SCFD2: variants seen among roughly 807,000 people sequenced by gnomAD.
SCFD2 encodes sec1 family domain-containing protein 2.
In SCFD2, 54 loss-of-function variants were observed where a neutral mutation model predicts 58.9. The observed-to-expected ratio is 0.92, with a 90% CI of 0.74 to 1.15. The LOEUF is 1.15. Ranked by LOEUF, SCFD2 falls within the 50% of genes most tolerant of loss-of-function variation. The pLI, the probability that SCFD2 is intolerant of heterozygous loss-of-function variation, is 0.00. For missense variants in SCFD2, 805 were observed against 836.6 expected (o/e 0.96, Z 0.47); for synonymous variants, 321 against 335.9 (o/e 0.96, Z 0.49).
At chr4:53,356,645 C>T (rs1289291781) in intron 1 of SCFD2, among the ~76,000 whole-genome samples, 3 of 151,644 alleles carry the variant, frequency 2.0e-5, no homozygotes, top group East Asian at 3.9e-4. Context: ...AGGCTGGTCT[C>T]GAACTTCTGG....
chr4:53,083,032 G>T (rs1298591396), intron 5 of SCFD2, among the ~76,000 whole-genome samples: 3 of 151,870 alleles, frequency 2.0e-5, no homozygotes, highest in Non-Finnish European at 1.5e-5. Flanking sequence ...TTTCTCTGGA[G>T]AACCCTGACT....
intron 3 of SCFD2, among the ~76,000 whole-genome samples, chr4:53,281,686 A>C (rs1577927923): frequency 6.6e-6 from 1 of 152,236 alleles, no homozygotes; most frequent in East Asian, 1.9e-4. Context: ...AAGATCACCG[A>C]AATAGTCTAT....
intron 7 of SCFD2, among the ~76,000 whole-genome samples, chr4:52,900,616 G>A (rs570032049): frequency 7.9e-5 from 12 of 152,322 alleles, no homozygotes; most frequent in East Asian, 5.8e-4. Flanking sequence ...GCATTCTGCC[G>A]GTTCTCAGAT....
At chr4:53,335,726 A>G (rs1733664439) in intron 2 of SCFD2, among the ~76,000 whole-genome samples, 3 of 152,188 alleles carry the variant, frequency 2.0e-5, no homozygotes, top group African/African-American at 7.2e-5. Context: ...AATTTTTTAT[A>G]AAGGAATCAA....
chr4:52,877,312 G>A (rs1718496784), intron 8 of SCFD2, among the ~76,000 whole-genome samples: 1 of 152,140 alleles, frequency 6.6e-6, no homozygotes, highest in Non-Finnish European at 1.5e-5. Flanking sequence ...CTCTGTGGAG[G>A]GGTGAAAAGA....
At chr4:53,232,652 C>A (rs1729474500) in intron 4 of SCFD2, among the ~76,000 whole-genome samples, 1 of 152,178 alleles carries the variant, frequency 6.6e-6, no homozygotes, top group South Asian at 2.1e-4. Context: ...TAAGCTAGTT[C>A]TGCTCCCACT....
chr4:53,198,555 C>T (rs546745371), intron 4 of SCFD2, among the ~76,000 whole-genome samples: 17 of 152,074 alleles, frequency 1.1e-4, no homozygotes, highest in Non-Finnish European at 2.4e-4. Context: ...TTCAGTACTT[C>T]AAGTTATAGT....
rs10529140 is a variant in SCFD2, at chr4:52,959,897, A to AACACACACACACAC, written c.1562-39041_1562-39028dup. ...GAGGAAGAGAGAGACTCCAAATTGA[A>AACACACACACACAC]ACACACACACACACACACACACACA... On this transcript the variant is annotated intron_variant, in intron 5 of 8. Transcript: ENST00000401642. 2.2e-3 allele frequency among the ~76,000 whole-genome samples: 307 copies of AACACACACACACAC among 138,204 alleles called. 2 individuals carry two copies. The highest frequency in any genetic ancestry group is 7.4e-3 in the African/African-American group (275 of 36,974). The allele number at this position is 138,204 out of a possible 152,430, so 90.7% of individuals were successfully genotyped here. A position where few individuals can be genotyped will look rare whatever the true frequency, so the allele number is the denominator to read the frequency against.
Position 53,050,192 on chromosome 4 carries a change from A to AAGAAG in SCFD2, c.1561+95140_1561+95141insCTTCT, listed in dbSNP as rs1282732417. Among the ~76,000 whole-genome samples the AAGAAG allele has an allele frequency of 4.6e-5, 7 of 152,326 alleles. No individual in the cohort carries two copies. The South Asian group carries it at 1.5e-3, about 32-fold the overall frequency. ...GCAAATAAAAAGAAGTCTTAAAAAC[A>AAGAAG]CCTTTAAGTACTTAAGAGAAGCAAG... On this transcript the variant is annotated intron_variant, in intron 5 of 8. Coordinates refer to ENST00000401642, the MANE Select transcript of SCFD2 (RefSeq NM_152540.4).
intron 4 of SCFD2, among the ~76,000 whole-genome samples, chr4:53,213,988 T>C (rs1728715969): frequency 6.6e-6 from 1 of 152,090 alleles, no homozygotes; most frequent in Admixed American, 6.5e-5. Flanking sequence ...CATGAACTCA[T>C]CCTTTTTTAT....
chr4:52,896,689 T>C (rs996614285), intron 7 of SCFD2, among the ~76,000 whole-genome samples: 7 of 152,220 alleles, frequency 4.6e-5, no homozygotes, highest in African/African-American at 1.7e-4. Context: ...TTTTTCCAAT[T>C]CTGTGAAGAA....
At chr4:52,976,622 A>T (rs1721266203) in intron 5 of SCFD2, among the ~76,000 whole-genome samples, 1 of 152,154 alleles carries the variant, frequency 6.6e-6, no homozygotes, top group Non-Finnish European at 1.5e-5. Flanking sequence ...GCCGACCCTG[A>T]CACTGAAGGA....
At chr4:53,345,241 A>G (rs1734021035) in intron 2 of SCFD2, among the ~76,000 whole-genome samples, 1 of 152,182 alleles carries the variant, frequency 6.6e-6, no homozygotes, top group Admixed American at 6.6e-5. Context: ...AAGAACTTAA[A>G]CAAATTTACA....
intron 4 of SCFD2, among the ~76,000 whole-genome samples, chr4:53,167,764 G>C (rs1727052423): frequency 6.7e-6 from 1 of 149,714 alleles, no homozygotes; most frequent in Admixed American, 6.7e-5. Context: ...AAAGAGGAGA[G>C]TTCTTTCTTC....
chr4:53,338,603 T>C (rs13114767), intron 2 of SCFD2, among the ~76,000 whole-genome samples: 96,712 of 98,996 alleles, frequency 0.98, 47,336 homozygotes, highest in Middle Eastern at 1. Context: ...TTTTGTGAGA[T>C]GGAGTCTCGC....
chr4:53,052,865 G>A (rs544744941), intron 5 of SCFD2, among the ~76,000 whole-genome samples: 4 of 152,282 alleles, frequency 2.6e-5, no homozygotes, highest in Admixed American at 2.6e-4. Flanking sequence ...ACAAAATGTG[G>A]AATGAAAGAA....
At chr4:52,891,494 C>T (rs62336823) in intron 7 of SCFD2, among the ~76,000 whole-genome samples, 38,158 of 152,094 alleles carry the variant, frequency 0.25, 5,234 homozygotes, top group African/African-American at 0.36. Flanking sequence ...AGAGGCTTAA[C>T]GAGGTGAAAT....
chr4:53,057,840 G>T (rs1381886295), intron 5 of SCFD2, among the ~76,000 whole-genome samples: 1 of 152,096 alleles, frequency 6.6e-6, no homozygotes, highest in African/African-American at 2.4e-5. Flanking sequence ...CATACCTTGT[G>T]CTGTGTTAGC....
intron 1 of SCFD2, among the ~76,000 whole-genome samples, chr4:53,363,789 T>A (rs1197701499): frequency 7.2e-6 from 1 of 138,758 alleles, no homozygotes; most frequent in Non-Finnish European, 1.5e-5. Context: ...ATTGCGCCAT[T>A]GCACTCCAGC....
Sources: gnomAD v4.1 joint callset for allele counts (sites outside exome capture counted in the v4.1 genomes callset) on GRCh38, gnomAD v4.1.1 for gene constraint, MANE v1.5 for transcripts, NCBI Gene and HGNC (gene_info 2026-07-23, HGNC 2026-07-21) for gene names.